The following FLVCR1 variants were observed in gnomAD, a reference collection of about 807,000 sequenced individuals.
FLVCR1 encodes the protein choline/ethanolamine transporter FLVCR1.
A neutral mutation model predicts 53.6 loss-of-function variants in FLVCR1; 34 were observed. The observed-to-expected ratio is 0.63, with a 90% CI of 0.48 to 0.84. The LOEUF is 0.84. FLVCR1 is among the 40% of genes least tolerant of loss of function. FLVCR1 has a pLI of 0.00. For missense variants in FLVCR1, 677 were observed against 696.7 expected, an observed-to-expected ratio of 0.97 and a Z score of 0.32; for synonymous variants, 300 against 286.3, an observed-to-expected ratio of 1.05 and a Z score of -0.48.
At chr1:212,884,322 G>A (rs932000363) in intron 4 of FLVCR1, among the ~76,000 whole-genome samples, 1 of 151,892 alleles carries the variant, frequency 6.6e-6, no homozygotes, top group Non-Finnish European at 1.5e-5. Flanking sequence ...GCTGGGCGCC[G>A]TGGCTCACAC....
chr1:212,895,141 C>T (rs1281274395), intron 9 of FLVCR1, 75 bp from the exon 10 acceptor site: 9 of 1,385,188 alleles, frequency 6.5e-6, no homozygotes, highest in African/African-American at 4.2e-5. Context: ...ATTTTTCTCC[C>T]GAGTCAACTG....
intron 1 of FLVCR1, among the ~76,000 whole-genome samples, chr1:212,862,519 A>G (rs952095857): frequency 1.3e-5 from 2 of 152,166 alleles, no homozygotes; most frequent in Non-Finnish European, 2.9e-5. Context: ...TTCCTTTTTA[A>G]TAGCTGAATA....
chr1:212,888,960 A>G (rs1665125009), intron 7 of FLVCR1, among the ~76,000 whole-genome samples, 186 bp from the exon 8 acceptor site: 4 of 152,128 alleles, frequency 2.6e-5, no homozygotes. Context: ...AAGTGCTAGG[A>G]TTACAGTGGG....
intron 2 of FLVCR1, among the ~76,000 whole-genome samples, chr1:212,869,136 A>G (rs1664528597): frequency 6.6e-6 from 1 of 152,278 alleles, no homozygotes; most frequent in Non-Finnish European, 1.5e-5. Context: ...CAACGTATTC[A>G]TCACAGGAGG....
chr1:212,868,568 C>A (rs1664511119), intron 2 of FLVCR1, among the ~76,000 whole-genome samples: 1 of 152,118 alleles, frequency 6.6e-6, no homozygotes, highest in Admixed American at 6.6e-5. Flanking sequence ...CACCACCACA[C>A]CCGGCTAATT....
intron 2 of FLVCR1, 118 bp downstream of exon 2, chr1:212,863,987 C>T (rs575014908): frequency 7.3e-6 from 6 of 824,306 alleles, no homozygotes; most frequent in East Asian, 5.3e-5. Context: ...TTTCATTCTT[C>T]CATGCCCTGT....
intron 3 of FLVCR1, among the ~76,000 whole-genome samples, chr1:212,873,794 A>G (rs1664673366): frequency 6.6e-6 from 1 of 152,230 alleles, no homozygotes; most frequent in Non-Finnish European, 1.5e-5. Context: ...ACTCTAGTAC[A>G]TAAATGTTTT....
intron 5 of FLVCR1, among the ~76,000 whole-genome samples, chr1:212,886,244 T>A (rs1330134128): frequency 6.6e-6 from 1 of 151,612 alleles, no homozygotes; most frequent in African/African-American, 2.4e-5. Context: ...TGTTTCACCA[T>A]GTTGCCCAGG....
rs528703212 is a variant in FLVCR1 at position 212,860,889 on chromosome 1, A to G, written c.738+1699A>G. Among the ~76,000 whole-genome samples, 168 of 152,210 alleles carry G rather than the reference A, an allele frequency of 1.1e-3. 1 individual carries two copies. The highest frequency in any genetic ancestry group is 2.1e-3 in the Non-Finnish European group (141 of 68,008). On this transcript the variant is annotated intron_variant, in intron 1 of 9. Transcript: ENST00000366971. ...ACTCAAAATTGCTTTCTCCTTGCTC[A>G]TTTCCCTTTATCTCTAATGCCACTG... is the stretch of plus-strand genomic sequence containing the variant.
intron 2 of FLVCR1, among the ~76,000 whole-genome samples, chr1:212,868,645 G>T (rs773763576): frequency 1.3e-5 from 2 of 152,098 alleles, no homozygotes; most frequent in East Asian, 3.9e-4. Context: ...CTGACCTCAG[G>T]TGATCCGCTT....
intron 2 of FLVCR1, chr1:212,869,940 A>G (rs1389969091): frequency 1.3e-5 from 2 of 152,252 alleles, no homozygotes; most frequent in Admixed American, 6.5e-5. Context: ...AGATTCATTA[A>G]ATACCCATGA....
At chr1:212,891,658 G>C (rs1008929121) in intron 8 of FLVCR1, among the ~76,000 whole-genome samples, 3 of 152,014 alleles carry the variant, frequency 2.0e-5, no homozygotes, top group Non-Finnish European at 4.4e-5. Context: ...TGAAATCAGG[G>C]CCCTGATTAA....
chr1:212,891,091 G>A (rs1019717842), intron 8 of FLVCR1, among the ~76,000 whole-genome samples: 1 of 152,002 alleles, frequency 6.6e-6, no homozygotes, highest in Non-Finnish European at 1.5e-5. Flanking sequence ...TTAATTCCTA[G>A]GCAAGTACTA....
chr1:212,878,226 G>C (rs1340421126), intron 3 of FLVCR1, among the ~76,000 whole-genome samples: 2 of 152,124 alleles, frequency 1.3e-5, no homozygotes, highest in Non-Finnish European at 2.9e-5. Flanking sequence ...AGAGAGACCA[G>C]GCGCGGTGGC....
chr1:212,864,265 G>T, intron 2 of FLVCR1: 1 of 273,904 alleles, frequency 3.7e-6, no homozygotes, highest in South Asian at 3.9e-5. Context: ...TTCTGGTAAT[G>T]CTAAATTCTC....
Position 212,895,893 on chromosome 1 carries a change from A to AG in FLVCR1, c.*603_*604insG, listed in dbSNP as rs1330614866. 1 of 154,588 alleles carries AG rather than the reference A, an allele frequency of 6.5e-6. No homozygotes were observed. The allele number at this position is 154,588 out of a possible 1,614,324, so 9.6% of individuals were successfully genotyped here. On this transcript the variant is annotated 3_prime_UTR_variant, in exon 10 of 10. Coordinates refer to ENST00000366971, the MANE Select transcript of FLVCR1 (RefSeq NM_014053.4). ...TTCCCATTTATTGTACTCTTGTTAC[A>AG]AAGTACTTTTTAACACATGCAGTCA...
chr1:212,879,794 T>G (rs1664871988), intron 3 of FLVCR1, among the ~76,000 whole-genome samples: 1 of 152,130 alleles, frequency 6.6e-6, no homozygotes, highest in Non-Finnish European at 1.5e-5. Context: ...TGACCTCATG[T>G]GATCCATCCA....
At chr1:212,893,871 G>T (rs1665266007) in intron 8 of FLVCR1, among the ~76,000 whole-genome samples, 1 of 152,144 alleles carries the variant, frequency 6.6e-6, no homozygotes, top group African/African-American at 2.4e-5. Context: ...TGCCTCCTGG[G>T]TTCAAGTGAT....
At chr1:212,884,705 C>T (rs1321632023) in intron 4 of FLVCR1, among the ~76,000 whole-genome samples, 1 of 152,128 alleles carries the variant, frequency 6.6e-6, no homozygotes, top group African/African-American at 2.4e-5. Flanking sequence ...ATTCGCTAGG[C>T]AATTTCATTG....
Sources: gnomAD v4.1 joint callset for allele counts (sites outside exome capture counted in the v4.1 genomes callset) on GRCh38, gnomAD v4.1.1 for gene constraint, MANE v1.5 for transcripts, NCBI Gene and HGNC (gene_info 2026-07-23, HGNC 2026-07-21) for gene names.